Variants in TENT4B observed in about 807,000 individuals in gnomAD.
TENT4B encodes the protein PAP associated domain containing 5.
TENT4B carries 10 observed loss-of-function variants against 75.0 expected under a neutral mutation model. The observed-to-expected ratio is 0.13, with a 90% CI of 0.08 to 0.23. The LOEUF is 0.23. Among genes scored for constraint, TENT4B ranks in the 10% least tolerant of loss-of-function variants. The probability of loss-of-function intolerance (pLI) is 1.00; values close to 1 mark genes in which losing one functional copy is unlikely to be tolerated. For missense variants in TENT4B, 579 were observed against 893.8 expected (o/e 0.65, Z 4.49); for synonymous variants, 350 against 357.7 (o/e 0.98, Z 0.24).
rs897871086 is a variant in TENT4B, at chr16:50,154,001, C to T, written c.380C>T (p.Ser127Phe). The change falls in exon 1 of 12, where the codon TCC becomes TTC. Residue 127 changes from serine (S) to phenylalanine (F), a missense_variant. Physicochemically the swap from Ser to Phe is radical, Grantham distance 155 (BLOSUM62 -2). Transcript: ENST00000561678. The stretch of plus-strand genomic sequence containing the variant: ...GGGGCCTGGGCCCGCCGGGCGGGCT[C>T]CTCGGCGTCCTCGCCTCCCTCGGCG... Reference protein sequence around the residue: ...QPGAWARRAGSSASSPPSASS... With the variant: ...QPGAWARRAGFSASSPPSASS... 5 of 1,533,834 alleles carry T rather than the reference C, an allele frequency of 3.3e-6. No individual in the cohort carries two copies. In the African/African-American group the frequency reaches 5.5e-5, roughly 17 times the overall value.
chr16:50,172,947 C>G (rs2038234135), intron 1 of TENT4B, among the ~76,000 whole-genome samples: 1 of 151,944 alleles, frequency 6.6e-6, no homozygotes, highest in Admixed American at 6.6e-5. Flanking sequence ...CTTGATAGCT[C>G]TTTTCTTTTT....
At chr16:50,166,592 G>A (rs2038105103) in intron 1 of TENT4B, among the ~76,000 whole-genome samples, 2 of 151,962 alleles carry the variant, frequency 1.3e-5, no homozygotes, top group East Asian at 1.9e-4. Flanking sequence ...TCTTTTTATT[G>A]TTGAGCTATA....
chr16:50,192,514 G>A (rs1186577204), intron 1 of TENT4B, among the ~76,000 whole-genome samples: 1 of 152,184 alleles, frequency 6.6e-6, no homozygotes, highest in Non-Finnish European at 1.5e-5. Flanking sequence ...GAAATGCACA[G>A]TGTAACTTGG....
rs1284276711 is a variant in TENT4B at position 50,153,523 on chromosome 16, G to T, written c.-99G>T. 1.0e-6 allele frequency: 1 copy of T among 977,620 alleles called. No homozygotes were observed. Among genetic ancestry groups the T allele is most frequent in the African/African-American group, 1.8e-5 (1 of 56,346 alleles). 60.6% of individuals were successfully genotyped at this position (977,620 alleles called of 1,614,324 possible). A position where few individuals can be genotyped will look rare whatever the true frequency, so the allele number is the denominator to read the frequency against. Reference sequence around the variant, plus strand: ...AGCAGCAGCAGCGGCAGCAGCGGCAGCAGCAGCAGCAGCCGAGGCCGGGCG... The same window carrying T: ...AGCAGCAGCAGCGGCAGCAGCGGCATCAGCAGCAGCAGCCGAGGCCGGGCG... On this transcript the variant is annotated 5_prime_UTR_variant, in exon 1 of 12. Transcript: ENST00000561678.
intron 1 of TENT4B, among the ~76,000 whole-genome samples, chr16:50,206,734 A>G (rs1304202792): frequency 6.6e-6 from 1 of 152,110 alleles, no homozygotes; most frequent in Non-Finnish European, 1.5e-5. Flanking sequence ...TGCAGAAGCT[A>G]CTAAGCAACT....
At chr16:50,182,861 G>A (rs1235878315) in intron 1 of TENT4B, among the ~76,000 whole-genome samples, 1 of 129,154 alleles carries the variant, frequency 7.7e-6, no homozygotes, top group Non-Finnish European at 1.6e-5. Context: ...AACACTCAAG[G>A]TCTACCAAGT....
At chr16:50,184,386 C>T (rs1265833441) in intron 1 of TENT4B, among the ~76,000 whole-genome samples, 5 of 151,924 alleles carry the variant, frequency 3.3e-5, no homozygotes, top group Admixed American at 6.6e-5. Flanking sequence ...GTAATGCTGC[C>T]GGCCGGGCGC....
intron 1 of TENT4B, among the ~76,000 whole-genome samples, chr16:50,208,333 A>C (rs2031097768): frequency 6.6e-6 from 1 of 152,242 alleles, no homozygotes; most frequent in Non-Finnish European, 1.5e-5. Flanking sequence ...CCCCCAAATT[A>C]ATGTGCTAGT....
At position 50,229,646 on chromosome 16, in the gene TENT4B, A is replaced by G; in HGVS notation, c.*318A>G. 9.5e-7 allele frequency: 1 copy of G among 1,050,178 alleles called. No homozygotes were observed. The highest frequency in any genetic ancestry group is 1.1e-6 in the Non-Finnish European group (1 of 873,262). 65.1% of individuals were successfully genotyped at this position (1,050,178 alleles called of 1,614,324 possible). ...AATATATTTCTCATTGGCTTTATGC[A>G]GAGTTATAGGGAATAGTATTCAGTG... On this transcript the variant is annotated 3_prime_UTR_variant, in exon 12 of 12. Transcript: ENST00000561678.
rs1850014953 is a variant in TENT4B, at chr16:50,234,341, A to AG, written c.*5014dup. ...GGGGAGGGAAAGGAGGACTTGGAAA[A>AG]GCATTCTCCAAAGCCAGCAACTTGG... is the stretch of plus-strand genomic sequence containing the variant. On this transcript the variant is annotated 3_prime_UTR_variant, in exon 12 of 12. Coordinates refer to ENST00000561678, the MANE Select transcript of TENT4B (RefSeq NM_001365324.3). 2.1e-6 allele frequency: 2 copies of AG among 958,188 alleles called. No homozygotes were observed. The highest frequency in any genetic ancestry group is 1.6e-4 in the Admixed American group (2 of 12,588). 59.4% of individuals were successfully genotyped at this position (958,188 alleles called of 1,614,324 possible).
At chr16:50,185,129 A>G (rs1369535715) in intron 1 of TENT4B, among the ~76,000 whole-genome samples, 1 of 152,178 alleles carries the variant, frequency 6.6e-6, no homozygotes, top group African/African-American at 2.4e-5. Context: ...TCCAAGTTGT[A>G]GTTTGCTTCC....
chr16:50,153,159 G>T, upstream of TENT4B: 1 of 391,178 alleles, frequency 2.6e-6, no homozygotes, highest in Non-Finnish European at 3.7e-6. Context: ...GCGGGGGCGG[G>T]GCGAGCGCGT....
rs916363308 is a variant in TENT4B, at chr16:50,230,612, C to A, written c.*1284C>A. On this transcript the variant is annotated 3_prime_UTR_variant, in exon 12 of 12. Transcript: ENST00000561678. ...TGTATTGCCTTATTAAGACCAAATA[C>A]TTCTTGTCATCCCATTCTTTATCCT... is the stretch of plus-strand genomic sequence containing the variant. 2.0e-6 allele frequency: 2 copies of A among 983,778 alleles called. No homozygotes were observed. 60.9% of individuals were successfully genotyped at this position (983,778 alleles called of 1,614,324 possible).
At chr16:50,154,459 C>T (rs1394521064) in intron 1 of TENT4B, among the ~76,000 whole-genome samples, 200 bp downstream of exon 1, 3 of 152,004 alleles carry the variant, frequency 2.0e-5, no homozygotes, top group Non-Finnish European at 2.9e-5. Flanking sequence ...GCCGTCCACA[C>T]CCTCCGTCTC....
chr16:50,184,592 G>A (rs1221117987), intron 1 of TENT4B, among the ~76,000 whole-genome samples: 2 of 152,170 alleles, frequency 1.3e-5, no homozygotes, highest in Admixed American at 6.5e-5. Flanking sequence ...GCGTAAACCC[G>A]GGAGGCGGAG....
At chr16:50,220,158 T>G (rs2031761074) in intron 5 of TENT4B, among the ~76,000 whole-genome samples, 1 of 151,866 alleles carries the variant, frequency 6.6e-6, no homozygotes, top group African/African-American at 2.4e-5. Context: ...TCAGCTAATT[T>G]TTGTATTTGT....
intron 1 of TENT4B, among the ~76,000 whole-genome samples, chr16:50,173,294 G>A (rs1293042552): frequency 1.3e-5 from 2 of 152,102 alleles, no homozygotes; most frequent in Non-Finnish European, 2.9e-5. Context: ...AGGTGTATGA[G>A]TTTATCTATT....
chr16:50,205,513 A>G (rs2030901930), intron 1 of TENT4B, among the ~76,000 whole-genome samples: 1 of 148,030 alleles, frequency 6.8e-6, no homozygotes, highest in Admixed American at 6.8e-5. Context: ...CAATGCAAAT[A>G]GGAACATTTT....
chr16:50,169,048 G>C (rs1365658431), intron 1 of TENT4B, among the ~76,000 whole-genome samples: 4 of 152,120 alleles, frequency 2.6e-5, no homozygotes, highest in Admixed American at 2.6e-4. Context: ...AAAGAAGTGA[G>C]CAATAAATAA....
Sources: gnomAD v4.1 joint callset for allele counts (sites outside exome capture counted in the v4.1 genomes callset) on GRCh38, gnomAD v4.1.1 for gene constraint, MANE v1.5 for transcripts, NCBI Gene and HGNC (gene_info 2026-07-23, HGNC 2026-07-21) for gene names.